The following NUP54 variants were observed in gnomAD, a reference collection of about 807,000 sequenced individuals.
NUP54 encodes nucleoporin 54.
A neutral mutation model predicts 66.4 loss-of-function variants in NUP54; 27 were observed. The observed-to-expected ratio is 0.41, with a 90% CI of 0.30 to 0.56. The LOEUF is 0.56. Among genes scored for constraint, NUP54 ranks in the 20% least tolerant of loss-of-function variants. The probability of loss-of-function intolerance (pLI) is 0.34; values close to 1 mark genes in which losing one functional copy is unlikely to be tolerated. For synonymous variants in NUP54, 206 were observed against 210.7 expected, an observed-to-expected ratio of 0.98 and a Z score of 0.19; for missense variants, 486 against 596.3, an observed-to-expected ratio of 0.82 and a Z score of 1.93.
At chr4:76,121,155 C>A (rs963794912) in intron 9 of NUP54, among the ~76,000 whole-genome samples, 1 of 152,090 alleles carries the variant, frequency 6.6e-6, no homozygotes, top group East Asian at 1.9e-4. Flanking sequence ...GTCTAATTTT[C>A]TTTTCTTCCT....
At chr4:76,120,797 G>A (rs555611377) in intron 9 of NUP54, among the ~76,000 whole-genome samples, 1 of 152,268 alleles carries the variant, frequency 6.6e-6, no homozygotes, top group Non-Finnish European at 1.5e-5. Flanking sequence ...ATCTTTTAAT[G>A]ACTAAGAACT....
At chr4:76,118,577 G>GCGGGGGT (rs796341208) in intron 9 of NUP54, 1 of 111,562 alleles carries the variant, frequency 9.0e-6, no homozygotes, top group Non-Finnish European at 1.8e-5. Context: ...GCGGGGTGGG[G>GCGGGGGT]GGGGGGGTCT....
intron 3 of NUP54, 84 bp downstream of exon 3, chr4:76,144,065 C>T: frequency 1.5e-6 from 2 of 1,316,776 alleles, no homozygotes; most frequent in Non-Finnish European, 2.1e-6. Flanking sequence ...TATAAAAAGT[C>T]CACTAAAGTA....
intron 8 of NUP54, among the ~76,000 whole-genome samples, chr4:76,126,354 A>G (rs1053750305): frequency 6.6e-6 from 1 of 152,196 alleles, no homozygotes; most frequent in African/African-American, 2.4e-5. Flanking sequence ...TTACATTTAC[A>G]TGTTACAAGA....
Position 76,130,745 on chromosome 4 carries a change from T to C in NUP54, c.967A>G (p.Ile323Val), listed in dbSNP as rs148411344. Residue 323 changes from isoleucine (I) to valine (V), a missense_variant, in exon 8 of 12, where the codon ATT becomes GTT. Coordinates refer to ENST00000264883, the MANE Select transcript of NUP54 (RefSeq NM_017426.4). ...TTAAAACCCACCATTGGTACAGGAA[T>C]TAACCTGAAGAAACGCAGTGAACAA... ...KVDNPDSEKL[I>V]PVPMVGFKEL... The C allele has an allele frequency of 1.2e-6, 2 of 1,610,608 alleles. No individual in the cohort carries two copies. The highest frequency in any genetic ancestry group is 1.7e-6 in the Non-Finnish European group (2 of 1,177,182).
intron 3 of NUP54, among the ~76,000 whole-genome samples, chr4:76,143,436 T>C (rs35885521): frequency 0.13 from 19,959 of 152,074 alleles, 1,517 homozygotes; most frequent in East Asian, 0.35. Context: ...AAACTCCGTC[T>C]CTACTAAAAA....
chr4:76,144,366 G>C (rs1431843635), intron 2 of NUP54, 24 bp downstream of exon 2: 1 of 1,597,436 alleles, frequency 6.3e-7, no homozygotes, highest in East Asian at 2.2e-5. Flanking sequence ...TTACTTCTAT[G>C]AATGACTTAA....
chr4:76,137,520 T>TG (rs1265998723), intron 3 of NUP54, among the ~76,000 whole-genome samples: 1 of 152,188 alleles, frequency 6.6e-6, no homozygotes, highest in Non-Finnish European at 1.5e-5. Context: ...TTATATCAAA[T>TG]ACCAGCTTAC....
At chr4:76,125,822 GA>G (rs1257764054) in intron 8 of NUP54, among the ~76,000 whole-genome samples, 1 of 47,184 alleles carries the variant, frequency 2.1e-5, no homozygotes, top group African/African-American at 1.0e-4. Context: ...AGAAGAGGGA[GA>G]AAGGGGGAGA....
At chr4:76,116,627 A>G (rs1729962624) in intron 11 of NUP54, among the ~76,000 whole-genome samples, 1 of 152,220 alleles carries the variant, frequency 6.6e-6, no homozygotes, top group Non-Finnish European at 1.5e-5. Context: ...AGCTTAGGGG[A>G]CAGATCAATA....
At chr4:76,134,074 T>G in intron 5 of NUP54, 101 bp downstream of exon 5, 3 of 734,352 alleles carry the variant, frequency 4.1e-6, no homozygotes, top group Non-Finnish European at 6.5e-6. Context: ...CATTCTGCTC[T>G]GAGAGTTAAT....
intron 1 of NUP54, chr4:76,148,080 G>A: frequency 2.4e-6 from 1 of 420,234 alleles, no homozygotes; most frequent in Non-Finnish European, 4.2e-6. Flanking sequence ...AGGGCCCTGT[G>A]GAAACTCACG....
At chr4:76,143,318 AAGAG>A (rs1159216302) in intron 3 of NUP54, among the ~76,000 whole-genome samples, 2 of 152,216 alleles carry the variant, frequency 1.3e-5, no homozygotes, top group Admixed American at 6.5e-5. Context: ...AAAAATAAAA[AAGAG>A]AGGCCAGGCG....
chr4:76,124,773 TGG>T lies in NUP54; in HGVS notation c.1057-19_1057-18del. ...AGATATGATCTGTTTAAAAAAAAAT[TGG>T]GGGGGGGAGGGTTAATCAAATATCA... is the stretch of plus-strand genomic sequence containing the variant. On this transcript the variant is annotated intron_variant, in intron 8 of 11. Transcript: ENST00000264883. 2.3e-6 allele frequency: 1 copy of T among 438,018 alleles called. No homozygotes were observed. 27.1% of individuals were successfully genotyped at this position (438,018 alleles called of 1,614,324 possible). A position where few individuals can be genotyped will look rare whatever the true frequency, so the allele number is the denominator to read the frequency against.
chr4:76,118,334 G>A (rs1179419295), intron 9 of NUP54, 140 bp from the exon 10 acceptor site: 2 of 731,650 alleles, frequency 2.7e-6, no homozygotes, highest in Non-Finnish European at 4.5e-6. Flanking sequence ...TTTGAATTAT[G>A]TTTCTGTCCA....
chr4:76,134,635 T>C (rs890427884), intron 4 of NUP54, among the ~76,000 whole-genome samples: 1 of 152,152 alleles, frequency 6.6e-6, no homozygotes, highest in African/African-American at 2.4e-5. Flanking sequence ...TAAAAAATTT[T>C]GATATTCATT....
At chr4:76,125,750 G>A (rs868794575) in intron 8 of NUP54, among the ~76,000 whole-genome samples, 1 of 12,380 alleles carries the variant, frequency 8.1e-5, no homozygotes, top group African/African-American at 7.4e-4. Context: ...AGGGAGAGAG[G>A]GGGAGAGGGG....
intron 3 of NUP54, among the ~76,000 whole-genome samples, chr4:76,142,978 T>G (rs1163773106): frequency 6.6e-6 from 1 of 152,134 alleles, no homozygotes; most frequent in African/African-American, 2.4e-5. Flanking sequence ...CAGAAGTATT[T>G]CAACAAATAA....
At chr4:76,141,496 C>G (rs1361109349) in intron 3 of NUP54, among the ~76,000 whole-genome samples, 1 of 152,192 alleles carries the variant, frequency 6.6e-6, no homozygotes, top group Non-Finnish European at 1.5e-5. Context: ...AGGGATCCTT[C>G]AGTTACGCCA....
Sources: allele counts gnomAD v4.1 joint callset (sites outside exome capture counted in the v4.1 genomes callset), GRCh38; gene constraint gnomAD v4.1.1; transcripts MANE v1.5; gene names NCBI Gene and HGNC (gene_info 2026-07-23, HGNC 2026-07-21).